Variants in GPR15LG observed in about 807,000 individuals in gnomAD.
GPR15LG encodes G protein-coupled receptor 15 ligand.
chr10:84,175,321 G>C, the GPR15LG span, among the ~76,000 whole-genome samples: 1 of 152,156 alleles, frequency 6.6e-6, no homozygotes, highest in African/African-American at 2.4e-5. Flanking sequence ...GGTTGCCAGT[G>C]ATACCCTAGT....
the GPR15LG span, among the ~76,000 whole-genome samples, chr10:84,183,589 G>T: frequency 6.6e-6 from 1 of 151,732 alleles, no homozygotes; most frequent in Non-Finnish European, 1.5e-5. Flanking sequence ...ACAGGGTTTT[G>T]TCCCCATGAA....
At chr10:84,178,083 T>C in the GPR15LG span, among the ~76,000 whole-genome samples, 1 of 146,240 alleles carries the variant, frequency 6.8e-6, no homozygotes, top group African/African-American at 2.6e-5. Flanking sequence ...ACATACACGC[T>C]ACACAACTAC....
At chr10:84,181,845 T>C in the GPR15LG span, among the ~76,000 whole-genome samples, 1 of 152,352 alleles carries the variant, frequency 6.6e-6, no homozygotes, top group African/African-American at 2.4e-5. Flanking sequence ...CTGATGGCTG[T>C]GAAGGCCCCA....
the GPR15LG span, chr10:84,173,906 A>AT: frequency 1.9e-6 from 3 of 1,613,066 alleles, no homozygotes; most frequent in Non-Finnish European, 2.5e-6. Flanking sequence ...CTGCTTCTCC[A>AT]TCTTCTCCAC....
the GPR15LG span, among the ~76,000 whole-genome samples, chr10:84,180,813 A>T: frequency 6.6e-6 from 1 of 152,242 alleles, no homozygotes; most frequent in Non-Finnish European, 1.5e-5. Flanking sequence ...CACTGAGTGA[A>T]CGAGACTCCG....
At chr10:84,176,401 C>A in the GPR15LG span, 1 of 978,068 alleles carries the variant, frequency 1.0e-6, no homozygotes, top group South Asian at 1.3e-5. Flanking sequence ...TATTCCTGAG[C>A]CCTGTGCCTT....
chr10:84,178,546 A>G, the GPR15LG span, among the ~76,000 whole-genome samples: 1 of 151,804 alleles, frequency 6.6e-6, no homozygotes, highest in Non-Finnish European at 1.5e-5. Flanking sequence ...ACACTCACAG[A>G]CACTACACAT....
the GPR15LG span, chr10:84,173,904 C>G: frequency 6.2e-7 from 1 of 1,613,364 alleles, no homozygotes; most frequent in Non-Finnish European, 8.5e-7. Flanking sequence ...CTCTGCTTCT[C>G]CATCTTCTCC....
chr10:84,181,782 G>A, the GPR15LG span, among the ~76,000 whole-genome samples: 2 of 152,208 alleles, frequency 1.3e-5, no homozygotes, highest in African/African-American at 2.4e-5. Context: ...CTTTACGGGT[G>A]TCAAGCACTA....
chr10:84,180,448 G>C, the GPR15LG span, among the ~76,000 whole-genome samples: 1 of 151,778 alleles, frequency 6.6e-6, no homozygotes, highest in East Asian at 1.9e-4. Flanking sequence ...GTTCCCAGAC[G>C]GGGTCGCGGC....
chr10:84,182,212 A>T, the GPR15LG span, among the ~76,000 whole-genome samples: 9 of 152,344 alleles, frequency 5.9e-5, no homozygotes, highest in Non-Finnish European at 1.2e-4. Flanking sequence ...GGGCCCAGAA[A>T]ATAGACCCTG....
the GPR15LG span, among the ~76,000 whole-genome samples, chr10:84,184,158 T>TG: frequency 8.1e-6 from 1 of 123,888 alleles, no homozygotes; most frequent in East Asian, 2.1e-4. Context: ...CCATCTTTCT[T>TG]GAAAAAAAAA....
chr10:84,178,417 A>C, the GPR15LG span, among the ~76,000 whole-genome samples: 3 of 151,920 alleles, frequency 2.0e-5, no homozygotes, highest in African/African-American at 7.3e-5. Context: ...ACACAAACAC[A>C]TACCACACAA....
chr10:84,179,537 C>T, the GPR15LG span, among the ~76,000 whole-genome samples: 1 of 152,180 alleles, frequency 6.6e-6, no homozygotes, highest in Non-Finnish European at 1.5e-5. Context: ...GTGTGCCAGG[C>T]TCCAGAAATC....
the GPR15LG span, among the ~76,000 whole-genome samples, chr10:84,180,922 C>CA: frequency 7.7e-3 from 1,180 of 152,312 alleles, 9 homozygotes; most frequent in African/African-American, 0.026. Context: ...CCGTCTCCAC[C>CA]AAAAAATACG....
chr10:84,178,637 C>T, the GPR15LG span, among the ~76,000 whole-genome samples: 5 of 152,152 alleles, frequency 3.3e-5, no homozygotes, highest in African/African-American at 7.2e-5. Flanking sequence ...ACACTACACA[C>T]ACAGATGGAC....
the GPR15LG span, chr10:84,184,922 A>C: frequency 6.8e-7 from 1 of 1,476,126 alleles, no homozygotes; most frequent in East Asian, 2.6e-5. Context: ...AAGTTCCAGA[A>C]CTCCACGTCC....
the GPR15LG span, chr10:84,184,646 C>T: frequency 6.2e-7 from 1 of 1,610,946 alleles, no homozygotes; most frequent in Non-Finnish European, 8.5e-7. Context: ...ATCTTCCTGT[C>T]CTTGTCCCTC....
At chr10:84,184,656 C>G in the GPR15LG span, 1 of 1,613,408 alleles carries the variant, frequency 6.2e-7, no homozygotes, top group South Asian at 1.1e-5. Flanking sequence ...CCTTGTCCCT[C>G]TTGTCTACTC....
Sources: allele counts gnomAD v4.1 joint callset (sites outside exome capture counted in the v4.1 genomes callset), GRCh38; gene constraint gnomAD v4.1.1; transcripts MANE v1.5; gene names NCBI Gene and HGNC (gene_info 2026-07-23, HGNC 2026-07-21).